Variants in ZNF483 observed in about 807,000 individuals in gnomAD.
ZNF483 encodes the protein zinc finger protein HIT-10.
In ZNF483, 9 loss-of-function variants were observed where a neutral mutation model predicts 28.6. That is an observed-to-expected ratio of 0.32 (90% CI 0.19 to 0.55). The LOEUF is 0.55. Among genes scored for constraint, ZNF483 ranks in the 20% least tolerant of loss-of-function variants. The probability of loss-of-function intolerance (pLI) is 0.93; values close to 1 mark genes in which losing one functional copy is unlikely to be tolerated. For missense variants in ZNF483, 675 were observed against 871.7 expected, an observed-to-expected ratio of 0.77 and a Z score of 2.84; for synonymous variants, 322 against 306.2, an observed-to-expected ratio of 1.05 and a Z score of -0.54.
At chr9:111,538,408 T>A (rs1485013587) in intron 5 of ZNF483, among the ~76,000 whole-genome samples, 1 of 151,606 alleles carries the variant, frequency 6.6e-6, no homozygotes, top group Admixed American at 6.6e-5. Flanking sequence ...GAGGATTGCT[T>A]GAGCCCAGGG....
At chr9:111,576,260 C>A in intron 5 of ZNF483, 4 of 1,138,574 alleles carry the variant, frequency 3.5e-6, no homozygotes, top group South Asian at 1.3e-5. Context: ...TAGAGTTGGT[C>A]CTCATTATTA....
At chr9:111,541,241 C>A (rs978723875) in intron 5 of ZNF483, among the ~76,000 whole-genome samples, 10 of 151,990 alleles carry the variant, frequency 6.6e-5, no homozygotes, top group African/African-American at 2.4e-4. Flanking sequence ...AGGTGCATGC[C>A]ACCACACCCA....
chr9:111,574,418 C>T (rs61687806), intron 5 of ZNF483: 11,303 of 164,192 alleles, frequency 0.069, 600 homozygotes, highest in East Asian at 0.25. Context: ...GGCAGGAACA[C>T]AGCTCACTGC....
In ZNF483 at chr9:111,541,758, C is replaced by T; in HGVS notation, c.823C>T (p.His275Tyr). The stretch of plus-strand genomic sequence containing the variant: ...ATATTGTGGCAGCTCAGAGGAGGAT[C>T]ACGGTAATCAGGGAAATTCAAAAGG... ...QQYCGSSEED[H>Y]GNQGNSKGRV... The change falls in exon 6 of 6, where the codon CAC becomes TAC. Residue 275 changes from histidine to tyrosine, a missense_variant. His to Tyr is a moderately conservative substitution (Grantham distance 83, BLOSUM62 2). This residue lies in a region of ZNF483 where 525 missense variants were observed against 581.8 expected (regional missense o/e 0.90). Transcript: ENST00000309235. 6.2e-7 allele frequency: 1 copy of T among 1,614,112 alleles called. No homozygotes were observed. The highest frequency in any genetic ancestry group is 8.5e-7 in the Non-Finnish European group (1 of 1,180,030).
chr9:111,555,284 G>T lies in ZNF483; in HGVS notation c.*12114G>T, dbSNP rs1401657590. ...ATTGATAATCACCTGGCAAAATAAG[G>T]TAGGAGTGGCATTTTGAGCTCAAAC... On this transcript the variant is annotated 3_prime_UTR_variant, in exon 6 of 6. Transcript: ENST00000309235. Among the ~76,000 whole-genome samples, 3 of 152,120 alleles carry T rather than the reference G, an allele frequency of 2.0e-5. No individual in the cohort carries two copies. The highest frequency in any genetic ancestry group is 4.4e-5 in the Non-Finnish European group (3 of 68,028).
chr9:111,542,099 G>T lies in ZNF483; in HGVS notation c.1164G>T (p.Arg388Ser). The T allele has an allele frequency of 1.9e-6, 3 of 1,614,048 alleles. No homozygotes were observed. The highest frequency in any genetic ancestry group is 2.5e-6 in the Non-Finnish European group (3 of 1,180,008). Residue 388 changes from arginine to serine, a missense_variant, in exon 6 of 6, where the codon AGG becomes AGT. Arg to Ser is a moderately radical substitution (Grantham distance 110). This residue lies in a region of ZNF483 where 525 missense variants were observed against 581.8 expected (regional missense o/e 0.90). Coordinates refer to ENST00000309235, the MANE Select transcript of ZNF483 (RefSeq NM_133464.5). The surrounding 1 kb of genome is among the most constrained non-coding windows in gnomAD (Gnocchi z 6.2). ...GTCAGAAGATTCATTTGGGGGATAGGTCCCAAAAATGCAGTAAGTGTGGGA... is the reference window on the plus strand; with the variant it reads ...GTCAGAAGATTCATTTGGGGGATAGTTCCCAAAAATGCAGTAAGTGTGGGA... ...QKRQKIHLGD[R>S]SQKCSKCGII...
intron 5 of ZNF483, among the ~76,000 whole-genome samples, chr9:111,561,955 G>A (rs998900416): frequency 1.3e-5 from 2 of 148,888 alleles, no homozygotes; most frequent in Admixed American, 6.7e-5. Flanking sequence ...GCACAATATC[G>A]GCTCACTGCA....
chr9:111,539,114 A>G (rs1224364171), intron 5 of ZNF483, among the ~76,000 whole-genome samples: 2 of 19,174 alleles, frequency 1.0e-4, no homozygotes, highest in Non-Finnish European at 2.6e-4. Flanking sequence ...CTCCGTCTCA[A>G]AAAAAAAAAA....
chr9:111,565,392 G>T, intron 5 of ZNF483, among the ~76,000 whole-genome samples: 1 of 152,100 alleles, frequency 6.6e-6, no homozygotes, highest in Middle Eastern at 3.2e-3. Flanking sequence ...ACTTTATTTT[G>T]GTAGACCTAA....
In ZNF483 at chr9:111,542,076, C is replaced by G. The variant is rs1372844734; in HGVS notation, c.1141C>G (p.Gln381Glu). The G allele has an allele frequency of 3.1e-6, 5 of 1,614,042 alleles. No homozygotes were observed. The highest frequency in any genetic ancestry group is 1.3e-5 in the African/African-American group (1 of 75,022). Residue 381 changes from glutamine (Q) to glutamate (E), a missense_variant, in exon 6 of 6, where the codon CAG becomes GAG. This residue lies in a region of ZNF483 where 525 missense variants were observed against 581.8 expected (regional missense o/e 0.90). Coordinates refer to ENST00000309235, the MANE Select transcript of ZNF483 (RefSeq NM_133464.5). The surrounding 1 kb of genome is among the most constrained non-coding windows in gnomAD (Gnocchi z 6.2). ...SSALTEHQKR[Q>E]KIHLGDRSQK... ...AGCTCTTACTGAACATCAGAAACGTCAGAAGATTCATTTGGGGGATAGGTC... is the reference window on the plus strand; with the variant it reads ...AGCTCTTACTGAACATCAGAAACGTGAGAAGATTCATTTGGGGGATAGGTC...
At position 111,533,951 on chromosome 9, in the gene ZNF483, G is replaced by A. The variant is rs185985126; in HGVS notation, c.628+86G>A. ...TATTGAAAGGTAAGTGCTGTGTGAA[G>A]TACTTGGTTTTGGCTGGGGACCCAG... On this transcript the variant is annotated intron_variant, in intron 4 of 5. Transcript: ENST00000309235. 7.0e-5 allele frequency: 108 copies of A among 1,532,884 alleles called. No individual in the cohort carries two copies. The African/African-American group carries it at 1.4e-3, about 20-fold the overall frequency. 95.0% of individuals were successfully genotyped at this position (1,532,884 alleles called of 1,614,324 possible).
chr9:111,542,462 C>G lies in ZNF483; in HGVS notation c.1527C>G (p.His509Gln), dbSNP rs1178645994. ...DCGKGFTLSAHLIKHQRIHTG... is the reference protein window; with the variant it reads ...DCGKGFTLSAQLIKHQRIHTG... The stretch of plus-strand genomic sequence containing the variant: ...GGAAAGGTTTCACCCTAAGTGCTCA[C>G]CTCATTAAACATCAGAGAATTCATA... Residue 509 changes from histidine to glutamine, a missense_variant, in exon 6 of 6, where the codon CAC (histidine) becomes CAG (glutamine). Physicochemically the swap from His to Gln is conservative, Grantham distance 24. Around this residue, in one of 6 missense-constraint regions of ZNF483, gnomAD observed 41 missense variants for 69.0 expected, o/e 0.59. Transcript: ENST00000309235. This position sits in a 1 kb window ranked among gnomAD's most constrained non-coding sequence, Gnocchi z 6.2. The G allele has an allele frequency of 6.2e-7, 1 of 1,614,002 alleles. No homozygotes were observed. Among genetic ancestry groups the G allele is most frequent in the Non-Finnish European group, 8.5e-7 (1 of 1,180,024 alleles).
chr9:111,571,980 C>T (rs1051304604), intron 5 of ZNF483, among the ~76,000 whole-genome samples: 10 of 152,166 alleles, frequency 6.6e-5, no homozygotes, highest in African/African-American at 2.4e-4. Context: ...TTGATTTTCC[C>T]AAGTGTCCTA....
At chr9:111,532,524 G>A (rs1827374446) in intron 3 of ZNF483, among the ~76,000 whole-genome samples, 1 of 152,060 alleles carries the variant, frequency 6.6e-6, no homozygotes, top group Non-Finnish European at 1.5e-5. Flanking sequence ...AGCAGGAAGA[G>A]GCAAGGAACA....
Position 111,542,285 on chromosome 9 carries a change from T to C in ZNF483, c.1350T>C (p.Tyr450=), listed in dbSNP as rs1186855517. The change falls in exon 6 of 6, where the codon TAT becomes TAC. Residue 450 remains tyrosine, a synonymous_variant. Coordinates refer to ENST00000309235, the MANE Select transcript of ZNF483 (RefSeq NM_133464.5). This position sits in a 1 kb window ranked among gnomAD's most constrained non-coding sequence, Gnocchi z 6.2. ...KCSKCGKAFG[Y]SASLTKHRRI... is the part of the protein sequence containing the mutation. ...GTAAGTGTGGAAAAGCCTTTGGCTA[T>C]AGCGCCTCACTCACCAAACATCGGA... The C allele has an allele frequency of 6.2e-7, 1 of 1,614,176 alleles. No individual in the cohort carries two copies. The highest frequency in any genetic ancestry group is 8.5e-7 in the Non-Finnish European group (1 of 1,180,030).
chr9:111,570,164 G>A (rs1172494345), intron 5 of ZNF483: 5 of 1,613,992 alleles, frequency 3.1e-6, no homozygotes, highest in African/African-American at 2.7e-5. Context: ...GACGACAAAA[G>A]CTTCCATGCG....
intron 5 of ZNF483, 64 bp from the exon 6 acceptor site, chr9:111,541,593 G>T: frequency 3.7e-6 from 5 of 1,359,756 alleles, no homozygotes; most frequent in Non-Finnish European, 5.0e-6. Context: ...TCCTATTTCA[G>T]ACCCAAAATA....
rs922067155 is a variant in ZNF483, at chr9:111,549,578, G to A, written c.*6408G>A. The A allele has an allele frequency of 6.5e-5, 42 of 650,648 alleles. No homozygotes were observed. Among genetic ancestry groups the A allele is most frequent in the Non-Finnish European group, 8.8e-5 (34 of 386,700 alleles). 40.3% of individuals were successfully genotyped at this position (650,648 alleles called of 1,614,324 possible). A position where few individuals can be genotyped will look rare whatever the true frequency, so the allele number is the denominator to read the frequency against. On this transcript the variant is annotated 3_prime_UTR_variant, in exon 6 of 6. Coordinates refer to ENST00000309235, the MANE Select transcript of ZNF483 (RefSeq NM_133464.5). ...TCTGTCTCCCTTGTAGATTATCAGA[G>A]TGGGTCGATAATCTACAAGCTTTGC...
At chr9:111,533,365 G>T (rs1263110441) in intron 3 of ZNF483, among the ~76,000 whole-genome samples, 2 of 152,136 alleles carry the variant, frequency 1.3e-5, no homozygotes, top group Non-Finnish European at 2.9e-5. Flanking sequence ...TTAAAAACTT[G>T]CATGCTATCC....
Sources: gnomAD v4.1 joint callset for allele counts (sites outside exome capture counted in the v4.1 genomes callset) on GRCh38, gnomAD v4.1.1 for gene constraint, gnomAD v4.1.1 regional missense constraint, Gnocchi (gnomAD v3.1) non-coding constraint, MANE v1.5 for transcripts, NCBI Gene and HGNC (gene_info 2026-07-23, HGNC 2026-07-21) for gene names.